The following KCNH8 variants were observed in gnomAD, a reference collection of about 807,000 sequenced individuals.
KCNH8 encodes the protein voltage-gated delayed rectifier potassium channel KCNH8.
Under a neutral mutation model 103.6 loss-of-function variants are expected in KCNH8, and 70 were observed. The observed-to-expected ratio is 0.68, with a 90% CI of 0.56 to 0.82. The LOEUF (loss-of-function observed/expected upper bound fraction) is 0.82, where lower values mean the gene tolerates loss of function less well. Ranked by LOEUF, KCNH8 falls within the 40% of genes least tolerant of loss-of-function variation. The pLI is 0.00. For synonymous variants in KCNH8, 498 were observed against 489.4 expected, an observed-to-expected ratio of 1.02 and a Z score of -0.23; for missense variants, 1,217 against 1,329.9, an observed-to-expected ratio of 0.92 and a Z score of 1.32.
Position 19,152,623 on chromosome 3 carries a change from G to A in KCNH8, c.76+3828G>A, listed in dbSNP as rs564769551. Among the ~76,000 whole-genome samples, 14 of 152,300 alleles carry A rather than the reference G, an allele frequency of 9.2e-5. No homozygotes were observed. The South Asian group carries it at 2.5e-3, about 27-fold the overall frequency. Reference sequence around the variant, plus strand: ...TTATGCACTTCTATATAGCCTGTTTGAAATGGTCCAAAGAAATTTGTTAAA... The same window carrying A: ...TTATGCACTTCTATATAGCCTGTTTAAAATGGTCCAAAGAAATTTGTTAAA... On this transcript the variant is annotated intron_variant, in intron 1 of 15. Coordinates refer to ENST00000328405, the MANE Select transcript of KCNH8 (RefSeq NM_144633.3).
At chr3:19,394,624 TA>T (rs1394390807) in intron 6 of KCNH8, among the ~76,000 whole-genome samples, 3 of 152,110 alleles carry the variant, frequency 2.0e-5, no homozygotes, top group Non-Finnish European at 2.9e-5. Context: ...TGGGTCTACC[TA>T]TTTTAAAAAA....
intron 5 of KCNH8, among the ~76,000 whole-genome samples, chr3:19,376,138 G>T (rs890689209): frequency 6.1e-4 from 92 of 151,256 alleles, no homozygotes; most frequent in Middle Eastern, 3.4e-3. Flanking sequence ...CAGTTCGAGC[G>T]TCCAGGCTGC....
rs149947986 is a variant in KCNH8 at position 19,441,486 on chromosome 3, C to G, written c.1375+3125C>G. 1.2e-4 allele frequency among the ~76,000 whole-genome samples: 19 copies of G among 152,254 alleles called. No homozygotes were observed. The East Asian group carries it at 3.7e-3, about 29-fold the overall frequency. ...TATCCACATTTTTCAGATGACAGAT[C>G]TAAAGTATGGAGAATTAAAGTAACT... On this transcript the variant is annotated intron_variant, in intron 8 of 15. Coordinates refer to ENST00000328405, the MANE Select transcript of KCNH8 (RefSeq NM_144633.3).
chr3:19,249,375 A>T (rs1169012220), intron 1 of KCNH8, among the ~76,000 whole-genome samples: 3 of 152,262 alleles, frequency 2.0e-5, no homozygotes, highest in Non-Finnish European at 4.4e-5. Context: ...GACTGCCACT[A>T]AATCCTCTTT....
At chr3:19,379,874 G>T (rs1313121299) in intron 5 of KCNH8, among the ~76,000 whole-genome samples, 2 of 152,040 alleles carry the variant, frequency 1.3e-5, no homozygotes, top group Non-Finnish European at 2.9e-5. Context: ...CCCCAATAAA[G>T]AAAATTTGGT....
chr3:19,490,136 C>G (rs560315500), intron 11 of KCNH8, among the ~76,000 whole-genome samples: 1 of 152,218 alleles, frequency 6.6e-6, no homozygotes, highest in African/African-American at 2.4e-5. Context: ...CGGAGTCCCC[C>G]GCAGGGATGC....
intron 1 of KCNH8, among the ~76,000 whole-genome samples, chr3:19,226,179 C>T (rs1039069611): frequency 2.6e-5 from 4 of 152,136 alleles, no homozygotes; most frequent in African/African-American, 9.7e-5. Flanking sequence ...TTTTGTTGAG[C>T]AGTGCTTCAA....
At chr3:19,386,877 T>C (rs980165114) in intron 5 of KCNH8, among the ~76,000 whole-genome samples, 2 of 152,138 alleles carry the variant, frequency 1.3e-5, no homozygotes, top group African/African-American at 4.8e-5. Context: ...ATTCAGTGTT[T>C]GCGAAGTTCC....
chr3:19,533,302 A>T, intron 15 of KCNH8, 93 bp from the exon 16 acceptor site: 1 of 777,308 alleles, frequency 1.3e-6, no homozygotes, highest in Non-Finnish European at 2.1e-6. Flanking sequence ...AAGAAAACCG[A>T]AAGAAATATC....
chr3:19,524,141 C>G (rs60777133), intron 15 of KCNH8, among the ~76,000 whole-genome samples: 10,129 of 151,832 alleles, frequency 0.067, 480 homozygotes, highest in East Asian at 0.27. Context: ...TTCCTTAGTC[C>G]TCTGAATTAG....
At chr3:19,216,952 C>A (rs2063824048) in intron 1 of KCNH8, among the ~76,000 whole-genome samples, 1 of 152,154 alleles carries the variant, frequency 6.6e-6, no homozygotes, top group Admixed American at 6.5e-5. Context: ...GACTTTGGTG[C>A]AAATGAAGCA....
intron 1 of KCNH8, among the ~76,000 whole-genome samples, chr3:19,252,572 T>C (rs1179777266): frequency 1.3e-5 from 2 of 151,988 alleles, no homozygotes; most frequent in Non-Finnish European, 2.9e-5. Flanking sequence ...GTATTTTCAG[T>C]AGGGATGGGG....
At position 19,349,149 on chromosome 3, in the gene KCNH8, G is replaced by C. The variant is rs370441712; in HGVS notation, c.811+1184G>C. Among the ~76,000 whole-genome samples, 218 of 151,878 alleles carry C rather than the reference G, an allele frequency of 1.4e-3. 1 individual carries two copies. Among genetic ancestry groups the C allele is most frequent in the African/African-American group, 4.9e-3 (205 of 41,424 alleles). ...ACTAGATGGCAATGTTGTCTAGTTA[G>C]GCAGACGGCAATTTTATTTTTAATT... is the stretch of plus-strand genomic sequence containing the variant. On this transcript the variant is annotated intron_variant, in intron 5 of 15. Transcript: ENST00000328405.
chr3:19,442,931 T>G (rs2067304186), intron 8 of KCNH8, among the ~76,000 whole-genome samples: 1 of 151,928 alleles, frequency 6.6e-6, no homozygotes, highest in African/African-American at 2.4e-5. Context: ...ATACCCCAAT[T>G]TAGACATAAG....
intron 3 of KCNH8, among the ~76,000 whole-genome samples, chr3:19,325,986 A>T (rs2065418115): frequency 1.3e-5 from 2 of 152,194 alleles, no homozygotes; most frequent in Non-Finnish European, 1.5e-5. Flanking sequence ...CATATACATC[A>T]CAAAATACTA....
intron 3 of KCNH8, among the ~76,000 whole-genome samples, chr3:19,303,673 G>T (rs1230448591): frequency 6.6e-6 from 1 of 152,102 alleles, no homozygotes; most frequent in Non-Finnish European, 1.5e-5. Context: ...GGGAAAGGAG[G>T]AAAGCAGTGC....
intron 1 of KCNH8, among the ~76,000 whole-genome samples, chr3:19,157,893 C>A (rs577123754): frequency 1.3e-5 from 2 of 151,606 alleles, no homozygotes; most frequent in African/African-American, 4.8e-5. Flanking sequence ...TATACATTGT[C>A]CCAGTTTTGG....
chr3:19,162,035 A>G (rs1189655407), intron 1 of KCNH8, among the ~76,000 whole-genome samples: 2 of 152,194 alleles, frequency 1.3e-5, no homozygotes, highest in Non-Finnish European at 2.9e-5. Flanking sequence ...CTAAGTGTTC[A>G]ACAAAGTTAT....
At chr3:19,506,164 G>A (rs534091921) in intron 11 of KCNH8, among the ~76,000 whole-genome samples, 30 of 152,222 alleles carry the variant, frequency 2.0e-4, no homozygotes, top group Non-Finnish European at 3.4e-4. Context: ...GCATTTCAGC[G>A]ATTTCAACCC....
Sources: gnomAD v4.1 joint callset for allele counts (sites outside exome capture counted in the v4.1 genomes callset) on GRCh38, gnomAD v4.1.1 for gene constraint, MANE v1.5 for transcripts, NCBI Gene and HGNC (gene_info 2026-07-23, HGNC 2026-07-21) for gene names.